SOX13: variants seen among roughly 807,000 people sequenced by gnomAD.
SOX13 encodes transcription factor SOX-13.
A neutral mutation model predicts 71.8 loss-of-function variants in SOX13; 28 were observed. The observed-to-expected ratio is 0.39, with a 90% confidence interval of 0.29 to 0.53. SOX13 has a LOEUF of 0.53. SOX13 is among the 20% of genes least tolerant of loss of function. The pLI is 0.70. For synonymous variants in SOX13, 309 were observed against 317.8 expected (o/e 0.97, Z 0.29); for missense variants, 627 against 810.3 (o/e 0.77, Z 2.75).
chr1:204,114,422 T>G lies in SOX13; in HGVS notation c.321T>G (p.Asn107Lys), dbSNP rs765136965. 5.0e-6 allele frequency: 8 copies of G among 1,612,832 alleles called. No individual in the cohort carries two copies. Among genetic ancestry groups the G allele is most frequent in the Non-Finnish European group, 6.8e-6 (8 of 1,179,212 alleles). Residue 107 changes from asparagine to lysine, a missense_variant, in exon 3 of 14, where the codon AAT becomes AAG. By Grantham distance (94) the Asn-to-Lys change is moderately conservative. Coordinates refer to ENST00000367204, the MANE Select transcript of SOX13 (RefSeq NM_005686.3). ...AGGAGAAGCTGGACTTCAACCGAAATTTGAAAGAAGGTAGGATGTCTGCCC... is the reference window on the plus strand; with the variant it reads ...AGGAGAAGCTGGACTTCAACCGAAAGTTGAAAGAAGGTAGGATGTCTGCCC... ...GSQEKLDFNR[N>K]LKEVVPAIEK...
intron 1 of SOX13, among the ~76,000 whole-genome samples, chr1:204,111,407 C>T (rs530844417): frequency 5.9e-5 from 9 of 152,164 alleles, no homozygotes; most frequent in South Asian, 2.1e-4. Context: ...GAACCCAGAG[C>T]GCATCTCTGT....
intron 4 of SOX13, among the ~76,000 whole-genome samples, chr1:204,115,745 C>A (rs1656680104): frequency 7.2e-6 from 1 of 139,324 alleles, no homozygotes; most frequent in Non-Finnish European, 1.5e-5. Flanking sequence ...CGGCTCACTG[C>A]AAAGTTCACC....
intron 1 of SOX13, among the ~76,000 whole-genome samples, chr1:204,108,597 G>A (rs1656515606): frequency 1.3e-5 from 2 of 152,352 alleles, no homozygotes; most frequent in East Asian, 1.9e-4. Flanking sequence ...GGAGCTGGAG[G>A]CCCCTGAAGT....
At chr1:204,114,708 A>G (rs879764196) in intron 4 of SOX13, 103 bp downstream of exon 4, 1 of 844,464 alleles carries the variant, frequency 1.2e-6, no homozygotes, top group African/African-American at 1.7e-5. Context: ...GTACATACCT[A>G]TCCTGTGCCA....
At chr1:204,084,280 G>A (rs1281767383) in intron 1 of SOX13, among the ~76,000 whole-genome samples, 1 of 152,192 alleles carries the variant, frequency 6.6e-6, no homozygotes, top group Non-Finnish European at 1.5e-5. Flanking sequence ...TGTGGTGTGT[G>A]GCCCAAGCTG....
intron 9 of SOX13, 35 bp from the exon 10 acceptor site, chr1:204,122,819 C>A: frequency 7.4e-7 from 1 of 1,352,270 alleles, no homozygotes; most frequent in South Asian, 1.3e-5. Context: ...CAGCTTCTCT[C>A]GCTTCTCTTC....
At chr1:204,084,490 G>T (rs1655975798) in intron 1 of SOX13, among the ~76,000 whole-genome samples, 1 of 152,168 alleles carries the variant, frequency 6.6e-6, no homozygotes, top group African/African-American at 2.4e-5. Flanking sequence ...GGGCTGCCAG[G>T]ACCAGGCAGG....
intron 1 of SOX13, among the ~76,000 whole-genome samples, chr1:204,077,402 G>T (rs1438836537): frequency 6.6e-6 from 1 of 152,186 alleles, no homozygotes; most frequent in Non-Finnish European, 1.5e-5. Flanking sequence ...TTGCCCCAAG[G>T]GAGGGAAATG....
chr1:204,120,561 C>T (rs1033053475), intron 7 of SOX13, among the ~76,000 whole-genome samples: 1 of 152,238 alleles, frequency 6.6e-6, no homozygotes, highest in African/African-American at 2.4e-5. Context: ...TCATGGGCCT[C>T]GGGGCCAACC....
At chr1:204,108,792 T>C (rs1656519859) in intron 1 of SOX13, among the ~76,000 whole-genome samples, 1 of 152,252 alleles carries the variant, frequency 6.6e-6, no homozygotes, top group Non-Finnish European at 1.5e-5. Context: ...CAACACCCTA[T>C]TGTCTGGCTT....
intron 1 of SOX13, among the ~76,000 whole-genome samples, chr1:204,102,590 C>G (rs1447784216): frequency 4.0e-5 from 6 of 151,616 alleles, no homozygotes; most frequent in African/African-American, 1.5e-4. Context: ...AACTGATAAC[C>G]TAGGCTAGGG....
At chr1:204,096,280 C>T (rs1656251406) in intron 1 of SOX13, among the ~76,000 whole-genome samples, 1 of 125,540 alleles carries the variant, frequency 8.0e-6, no homozygotes, top group African/African-American at 3.1e-5. Context: ...CACTCTGTCT[C>T]CCAGGCTGGA....
At chr1:204,122,029 A>C in intron 8 of SOX13, 44 bp downstream of exon 8, 1 of 1,409,406 alleles carries the variant, frequency 7.1e-7, no homozygotes, top group Non-Finnish European at 1.0e-6. Flanking sequence ...TCTCGAGCTT[A>C]TGACGGCCGG....
Position 204,113,151 on chromosome 1 carries a change from T to C in SOX13, c.219+17T>C. ...GGCTCCTGGGTCAGTGTCCCCGCCC[T>C]GCCTCCATCCTCACACCCATGCGCT... On this transcript the variant is annotated intron_variant, in intron 2 of 13. Transcript: ENST00000367204. 2 of 1,515,734 alleles carry C rather than the reference T, an allele frequency of 1.3e-6. No homozygotes were observed. The highest frequency in any genetic ancestry group is 1.8e-6 in the Non-Finnish European group (2 of 1,127,954). The allele number at this position is 1,515,734 out of a possible 1,614,324, so 93.9% of individuals were successfully genotyped here. A position where few individuals can be genotyped will look rare whatever the true frequency, so the allele number is the denominator to read the frequency against.
At chr1:204,114,268 C>T (rs1049992501) in intron 2 of SOX13, 53 bp from the exon 3 acceptor site, 10 of 1,266,412 alleles carry the variant, frequency 7.9e-6, no homozygotes, top group Non-Finnish European at 1.1e-5. Flanking sequence ...GCCCTCCCTG[C>T]AGCCTGTCCC....
At chr1:204,122,656 C>T in intron 9 of SOX13, 198 bp from the exon 10 acceptor site, 1 of 605,368 alleles carries the variant, frequency 1.7e-6, no homozygotes, top group South Asian at 2.0e-5. Flanking sequence ...TATTGACATG[C>T]ACAATAACTA....
intron 2 of SOX13, 118 bp downstream of exon 2, chr1:204,113,252 T>A: frequency 2.3e-6 from 2 of 865,306 alleles, no homozygotes; most frequent in Non-Finnish European, 3.4e-6. Context: ...GTGGTGATCC[T>A]AGGGGTAAGA....
At chr1:204,077,936 C>T (rs1010312499) in intron 1 of SOX13, among the ~76,000 whole-genome samples, 2 of 152,108 alleles carry the variant, frequency 1.3e-5, no homozygotes, top group African/African-American at 2.4e-5. Context: ...CTCAGCCTCC[C>T]GAGTAACTGG....
At chr1:204,087,317 C>A (rs558823577) in intron 1 of SOX13, among the ~76,000 whole-genome samples, 2 of 152,328 alleles carry the variant, frequency 1.3e-5, no homozygotes, top group South Asian at 4.1e-4. Context: ...GGACTGCTCG[C>A]CTTATACAGA....
Sources: gnomAD v4.1 joint callset for allele counts (sites outside exome capture counted in the v4.1 genomes callset) on GRCh38, gnomAD v4.1.1 for gene constraint, MANE v1.5 for transcripts, NCBI Gene and HGNC (gene_info 2026-07-23, HGNC 2026-07-21) for gene names.